Variants in WBP2 observed in about 807,000 individuals in gnomAD.
WBP2 encodes the protein WW domain-binding protein 2.
A neutral mutation model predicts 33.0 loss-of-function variants in WBP2; 23 were observed. That is an observed-to-expected ratio of 0.70 (90% CI 0.50 to 0.99). WBP2 has a LOEUF of 0.99. WBP2 is among the 50% of genes least tolerant of loss of function. The pLI is 0.00. For synonymous variants in WBP2, 153 were observed against 133.5 expected, an observed-to-expected ratio of 1.15 and a Z score of -1.01; for missense variants, 353 against 358.0, an observed-to-expected ratio of 0.99 and a Z score of 0.11.
chr17:75,849,380 G>C (rs1245251001), intron 3 of WBP2: 1 of 550,004 alleles, frequency 1.8e-6, no homozygotes, highest in Non-Finnish European at 3.2e-6. Flanking sequence ...GCAGGCTTCT[G>C]CAGACTTCAC....
chr17:75,846,822 A>G lies in WBP2; in HGVS notation c.733-35T>C. On this transcript the variant is annotated intron_variant, in intron 7 of 7. Coordinates refer to ENST00000254806, the MANE Select transcript of WBP2 (RefSeq NM_012478.4). This position sits in a 1 kb window ranked among gnomAD's most constrained non-coding sequence, Gnocchi z 4.8. ...GGAGAAAGGAGAGACTTGCATTAGA[A>G]GGTTTAAAACATGGTGCGGTCATCC... The G allele has an allele frequency of 6.3e-7, 1 of 1,598,690 alleles. No homozygotes were observed. The highest frequency in any genetic ancestry group is 1.3e-5 in the African/African-American group (1 of 74,596).
At chr17:75,852,855 A>G in intron 1 of WBP2, 1 of 945,010 alleles carries the variant, frequency 1.1e-6, no homozygotes, top group Non-Finnish European at 1.3e-6. Context: ...ATGACTGTAC[A>G]GATCACAATA....
chr17:75,852,750 C>T (rs192229917), intron 1 of WBP2: 18 of 984,028 alleles, frequency 1.8e-5, no homozygotes, highest in East Asian at 2.3e-4. Context: ...CCACTGCGCC[C>T]GGCCAACTCT....
chr17:75,848,949 C>T (rs1032916926), intron 3 of WBP2: 11 of 468,122 alleles, frequency 2.3e-5, no homozygotes, highest in Non-Finnish European at 3.9e-5. Context: ...AATATGTACA[C>T]GGGTGCCAAG....
Position 75,846,612 on chromosome 17 carries a change from T to A in WBP2, c.*122A>T. 1 of 1,214,948 alleles carries A rather than the reference T, an allele frequency of 8.2e-7. No homozygotes were observed. The highest frequency in any genetic ancestry group is 1.2e-6 in the Non-Finnish European group (1 of 845,904). 75.3% of individuals were successfully genotyped at this position (1,214,948 alleles called of 1,614,324 possible). A position where few individuals can be genotyped will look rare whatever the true frequency, so the allele number is the denominator to read the frequency against. On this transcript the variant is annotated 3_prime_UTR_variant, in exon 8 of 8. Coordinates refer to ENST00000254806, the MANE Select transcript of WBP2 (RefSeq NM_012478.4). The surrounding 1 kb of genome is among the most constrained non-coding windows in gnomAD (Gnocchi z 4.8). ...GTCCCACAATGCTAGTTCCTGGTAA[T>A]TGTTTATGATCAGACCTGGAGGGAG...
In WBP2 at chr17:75,846,725, C is replaced by A; in HGVS notation, c.*9G>T. The A allele has an allele frequency of 1.3e-6, 2 of 1,515,972 alleles. No individual in the cohort carries two copies. The highest frequency in any genetic ancestry group is 2.6e-5 in the South Asian group (2 of 77,030). 93.9% of individuals were successfully genotyped at this position (1,515,972 alleles called of 1,614,324 possible). A position where few individuals can be genotyped will look rare whatever the true frequency, so the allele number is the denominator to read the frequency against. On this transcript the variant is annotated 3_prime_UTR_variant, in exon 8 of 8. Coordinates refer to ENST00000254806, the MANE Select transcript of WBP2 (RefSeq NM_012478.4). The surrounding 1 kb of genome is among the most constrained non-coding windows in gnomAD (Gnocchi z 4.8). ...GAGATGAGGGTGGGAGGCAGGGAGG[C>A]AGGAGGGCCTACTGGGTCTTCTTAT... is the stretch of plus-strand genomic sequence containing the variant.
In WBP2 at chr17:75,845,732, C is replaced by T. The variant is rs2064985536; in HGVS notation, c.*1002G>A. ...TTTCATTTTTACTATTTCACATTTT[C>T]AGCAAACAAATCGAGGTGCAAACAG... On this transcript the variant is annotated 3_prime_UTR_variant, in exon 8 of 8. Coordinates refer to ENST00000254806, the MANE Select transcript of WBP2 (RefSeq NM_012478.4). 6.6e-6 allele frequency: 1 copy of T among 152,606 alleles called. No homozygotes were observed. Among genetic ancestry groups the T allele is most frequent in the African/African-American group, 2.4e-5 (1 of 41,464 alleles). The allele number at this position is 152,606 out of a possible 1,614,324, so 9.5% of individuals were successfully genotyped here.
chr17:75,847,725 C>G (rs2065003078), intron 5 of WBP2, 71 bp downstream of exon 5: 1 of 1,540,476 alleles, frequency 6.5e-7, no homozygotes, highest in South Asian at 1.2e-5. Context: ...GGAATAAAGT[C>G]TCCCTGGCCT....
At chr17:75,855,199 C>G in intron 1 of WBP2, 40 bp downstream of exon 1, 2 of 1,602,936 alleles carry the variant, frequency 1.2e-6, no homozygotes, top group South Asian at 1.1e-5. Context: ...CCTCGACACC[C>G]GAACTTTGGT....
In WBP2 at chr17:75,846,677, C is replaced by T. The variant is rs1253081093; in HGVS notation, c.*57G>A. 42 of 1,502,338 alleles carry T rather than the reference C, an allele frequency of 2.8e-5. No individual in the cohort carries two copies. The highest frequency in any genetic ancestry group is 3.3e-5 in the Non-Finnish European group (37 of 1,118,690). 93.1% of individuals were successfully genotyped at this position (1,502,338 alleles called of 1,614,324 possible). ...TCCCCTCCCCAAGCCCCAGCACAGC[C>T]CCGATGGGAGGGGTAGGGTAGAGAG... On this transcript the variant is annotated 3_prime_UTR_variant, in exon 8 of 8. Coordinates refer to ENST00000254806, the MANE Select transcript of WBP2 (RefSeq NM_012478.4). The surrounding 1 kb of genome is among the most constrained non-coding windows in gnomAD (Gnocchi z 4.8).
At chr17:75,855,168 C>T (rs2065050425) in intron 1 of WBP2, 71 bp downstream of exon 1, 2 of 984,136 alleles carry the variant, frequency 2.0e-6, no homozygotes, top group Non-Finnish European at 1.6e-6. Flanking sequence ...TTCCCCACCA[C>T]CCACCACCCA....
chr17:75,846,690 G>A lies in WBP2; in HGVS notation c.*44C>T, dbSNP rs1184586211. The stretch of plus-strand genomic sequence containing the variant: ...CCCCAGCACAGCCCCGATGGGAGGG[G>A]TAGGGTAGAGAGATGAGGGTGGGAG... On this transcript the variant is annotated 3_prime_UTR_variant, in exon 8 of 8. Transcript: ENST00000254806. This position sits in a 1 kb window ranked among gnomAD's most constrained non-coding sequence, Gnocchi z 4.8. 2.0e-6 allele frequency: 3 copies of A among 1,503,078 alleles called. No individual in the cohort carries two copies. The highest frequency in any genetic ancestry group is 2.6e-5 in the South Asian group (2 of 76,538). 93.1% of individuals were successfully genotyped at this position (1,503,078 alleles called of 1,614,324 possible).
Position 75,848,675 on chromosome 17 carries a change from G to A in WBP2, c.305-13C>T, listed in dbSNP as rs1177148787. 3 of 1,607,876 alleles carry A rather than the reference G, an allele frequency of 1.9e-6. No individual in the cohort carries two copies. The highest frequency in any genetic ancestry group is 1.6e-4 in the Middle Eastern group (1 of 6,070). On this transcript the variant is annotated splice_polypyrimidine_tract_variant and intron_variant, in intron 3 of 7. Transcript: ENST00000254806. ...CCTTCCCAGCCACCTGAAAGGGGAA[G>A]GACAGTGAATAAACAGCACAGGAAA...
At chr17:75,847,765 G>A in intron 5 of WBP2, 31 bp downstream of exon 5, 1 of 1,542,138 alleles carries the variant, frequency 6.5e-7, no homozygotes, top group Non-Finnish European at 8.8e-7. Flanking sequence ...GGGCTCATGA[G>A]GGGAGTGGGG....
chr17:75,848,811 TG>T, intron 3 of WBP2, 149 bp from the exon 4 acceptor site: 1 of 691,730 alleles, frequency 1.4e-6, no homozygotes, highest in Non-Finnish European at 2.5e-6. Context: ...CCTGGTGCCA[TG>T]GTTTCCAGCC....
chr17:75,855,184 CACTT>C, intron 1 of WBP2, 51 bp downstream of exon 1: 2 of 1,514,156 alleles, frequency 1.3e-6, no homozygotes, highest in Non-Finnish European at 1.8e-6. Flanking sequence ...ACCCACCGCC[CACTT>C]CCTCGACACC....
rs1036235034 is a variant in WBP2, at chr17:75,847,674, G to A, written c.533-65C>T. The A allele has an allele frequency of 5.0e-6, 8 of 1,605,818 alleles. No individual in the cohort carries two copies. The African/African-American group carries it at 5.4e-5, about 11-fold the overall frequency. On this transcript the variant is annotated intron_variant, in intron 5 of 7. Coordinates refer to ENST00000254806, the MANE Select transcript of WBP2 (RefSeq NM_012478.4). ...GGCTGCGGCCCCCTCCCGGGTGAGG[G>A]GGGCCTCTCCAGCTCCTTCGTTGGT...
chr17:75,848,838 A>G (rs759098228), intron 3 of WBP2, 176 bp from the exon 4 acceptor site: 25 of 632,774 alleles, frequency 4.0e-5, no homozygotes, highest in Non-Finnish European at 7.1e-5. Context: ...CCTGCATAGG[A>G]GCCAGCACTG....
chr17:75,846,568 C>T lies in WBP2; in HGVS notation c.*166G>A, dbSNP rs1480458235. 15 of 923,284 alleles carry T rather than the reference C, an allele frequency of 1.6e-5. No individual in the cohort carries two copies. The highest frequency in any genetic ancestry group is 2.0e-5 in the Non-Finnish European group (12 of 589,594). 57.2% of individuals were successfully genotyped at this position (923,284 alleles called of 1,614,324 possible). ...ATGGGAAGCTGGGCGGCACCTCTCC[C>T]GAGGCCGGGGGCCCTAATGTCCCAC... On this transcript the variant is annotated 3_prime_UTR_variant, in exon 8 of 8. Transcript: ENST00000254806. This position sits in a 1 kb window ranked among gnomAD's most constrained non-coding sequence, Gnocchi z 4.8.
Sources: gnomAD v4.1 joint callset for allele counts on GRCh38, gnomAD v4.1.1 for gene constraint, Gnocchi (gnomAD v3.1) non-coding constraint, MANE v1.5 for transcripts, NCBI Gene and HGNC (gene_info 2026-07-23, HGNC 2026-07-21) for gene names.